The following RAPGEF4 variants were observed in gnomAD, a reference collection of about 807,000 sequenced individuals.
RAPGEF4 encodes the protein Rap guanine nucleotide exchange factor 4.
In RAPGEF4, 66 loss-of-function variants were observed where a neutral mutation model predicts 147.9. The ratio of observed to expected loss-of-function variants is 0.45; its 90% CI spans 0.37 to 0.55. RAPGEF4 has a LOEUF of 0.55. Among genes scored for constraint, RAPGEF4 ranks in the 20% least tolerant of loss-of-function variants. The pLI is 0.00. For synonymous variants in RAPGEF4, 419 were observed against 442.7 expected (o/e 0.95, Z 0.67); for missense variants, 1,071 against 1,257.3 (o/e 0.85, Z 2.24).
At chr2:172,917,957 C>T (rs1207796296) in intron 5 of RAPGEF4, 83 bp downstream of exon 5, 2 of 1,154,094 alleles carry the variant, frequency 1.7e-6, no homozygotes, top group African/African-American at 1.5e-5. Flanking sequence ...ATGTCCTACA[C>T]CAGCTTGTCA....
intron 17 of RAPGEF4, among the ~76,000 whole-genome samples, chr2:173,005,270 A>AATT: frequency 6.6e-6 from 1 of 152,200 alleles, no homozygotes; most frequent in Non-Finnish European, 1.5e-5. Context: ...TGTATTCCCA[A>AATT]ATTACTCTCC....
At position 173,051,633 on chromosome 2, in the gene RAPGEF4, T is replaced by A; in HGVS notation, c.2909-7T>A. The A allele has an allele frequency of 6.2e-7, 1 of 1,613,202 alleles. No individual in the cohort carries two copies. On this transcript the variant is annotated splice_polypyrimidine_tract_variant and splice_region_variant and intron_variant, in intron 30 of 30. Transcript: ENST00000397081. ...AATGCCAATTCTGCCCTTTCCTCTT[T>A]CAACAGATCCTGATGCAGCTCAAGC...
chr2:172,737,929 G>C (rs1306927101), intron 1 of RAPGEF4, among the ~76,000 whole-genome samples: 1 of 152,240 alleles, frequency 6.6e-6, no homozygotes, highest in Non-Finnish European at 1.5e-5. Context: ...TTTGAAAACT[G>C]TGAGTGCCAT....
chr2:173,032,011 G>A (rs577956149), intron 26 of RAPGEF4, among the ~76,000 whole-genome samples: 2 of 152,030 alleles, frequency 1.3e-5, no homozygotes, highest in Non-Finnish European at 2.9e-5. Context: ...ATGGAACTAG[G>A]GGACACGTGT....
At chr2:173,043,183 A>G (rs2106054515) in intron 29 of RAPGEF4, among the ~76,000 whole-genome samples, 1 of 152,372 alleles carries the variant, frequency 6.6e-6, no homozygotes, top group South Asian at 2.1e-4. Flanking sequence ...GGTTTTACAC[A>G]TGCTAAGCAA....
intron 1 of RAPGEF4, among the ~76,000 whole-genome samples, chr2:172,738,537 G>A (rs1221800739): frequency 1.3e-5 from 2 of 152,182 alleles, no homozygotes; most frequent in East Asian, 1.9e-4. Flanking sequence ...AGAATAGGGA[G>A]GGCATGCCAG....
chr2:172,872,943 T>C (rs1227153870), intron 4 of RAPGEF4, among the ~76,000 whole-genome samples: 2 of 152,150 alleles, frequency 1.3e-5, no homozygotes, highest in Non-Finnish European at 2.9e-5. Flanking sequence ...GCTTTCTATG[T>C]CTGTGAAGAG....
At chr2:172,891,147 G>A (rs1474601359) in intron 4 of RAPGEF4, among the ~76,000 whole-genome samples, 3 of 151,994 alleles carry the variant, frequency 2.0e-5, no homozygotes, top group Non-Finnish European at 4.4e-5. Context: ...AAAAAAAAAG[G>A]AATTTCAAGA....
At chr2:172,884,147 G>A (rs183206916) in intron 4 of RAPGEF4, among the ~76,000 whole-genome samples, 17 of 152,266 alleles carry the variant, frequency 1.1e-4, no homozygotes, top group African/African-American at 3.1e-4. Context: ...CCAGGACCAG[G>A]GAGCCAACAG....
chr2:172,745,709 C>A (rs779102630), intron 1 of RAPGEF4, among the ~76,000 whole-genome samples: 2 of 152,056 alleles, frequency 1.3e-5, no homozygotes, highest in Non-Finnish European at 2.9e-5. Flanking sequence ...ATTTTCAACA[C>A]AAGGAAGCAC....
rs923001270 is a variant in RAPGEF4, at chr2:172,744,329, C to T, written c.65+8281C>T. The T allele has an allele frequency of 3.8e-5, 17 of 450,550 alleles. 1 individual carries two copies. The highest frequency in any genetic ancestry group is 2.6e-4 in the Admixed American group (11 of 41,848). 27.9% of individuals were successfully genotyped at this position (450,550 alleles called of 1,614,324 possible). On this transcript the variant is annotated intron_variant, in intron 1 of 30. Coordinates refer to ENST00000397081, the MANE Select transcript of RAPGEF4 (RefSeq NM_007023.4). Reference sequence around the variant, plus strand: ...AAATTCTGTCACCTCTACCCTCTAGCTATGTGATCTTGGCCAAGTTATTAA... The same window carrying T: ...AAATTCTGTCACCTCTACCCTCTAGTTATGTGATCTTGGCCAAGTTATTAA...
chr2:172,757,547 A>G (rs1405920633), intron 1 of RAPGEF4, among the ~76,000 whole-genome samples: 5 of 152,194 alleles, frequency 3.3e-5, no homozygotes, highest in African/African-American at 1.2e-4. Flanking sequence ...TTGCACAAAC[A>G]TAATATATTG....
chr2:173,034,669 T>C (rs1683690492), intron 27 of RAPGEF4, among the ~76,000 whole-genome samples: 1 of 151,938 alleles, frequency 6.6e-6, no homozygotes, highest in Non-Finnish European at 1.5e-5. Flanking sequence ...AGGTCAGGAA[T>C]TCGAGACCAG....
At position 172,916,127 on chromosome 2, in the gene RAPGEF4, G is replaced by A. The variant is rs184489638; in HGVS notation, c.445-1675G>A. ...GCGACCCTGATGGTGTGCTCCACAA[G>A]ACAGCAACAGACCAGGTGCTATGGG... On this transcript the variant is annotated intron_variant, in intron 4 of 30. Coordinates refer to ENST00000397081, the MANE Select transcript of RAPGEF4 (RefSeq NM_007023.4). 1.8e-4 allele frequency among the ~76,000 whole-genome samples: 28 copies of A among 152,296 alleles called. No individual in the cohort carries two copies. In the East Asian group the frequency reaches 5.4e-3, roughly 29 times the overall value.
chr2:172,802,007 T>G (rs944236998), intron 3 of RAPGEF4, among the ~76,000 whole-genome samples: 1 of 152,026 alleles, frequency 6.6e-6, no homozygotes, highest in Admixed American at 6.5e-5. Flanking sequence ...GTGGGGTAGA[T>G]AAGTGTAGGT....
Position 173,051,803 on chromosome 2 carries a change from G to T in RAPGEF4, c.*36G>T. 1 of 1,605,810 alleles carries T rather than the reference G, an allele frequency of 6.2e-7. No individual in the cohort carries two copies. Among genetic ancestry groups the T allele is most frequent in the Non-Finnish European group, 8.5e-7 (1 of 1,174,404 alleles). ...TGCCCAAAGCAACAGTTTGTCTCCAGTCCACAATCTTTCAAAAATGCCATT... is the reference window on the plus strand; with the variant it reads ...TGCCCAAAGCAACAGTTTGTCTCCATTCCACAATCTTTCAAAAATGCCATT... On this transcript the variant is annotated 3_prime_UTR_variant, in exon 31 of 31. Coordinates refer to ENST00000397081, the MANE Select transcript of RAPGEF4 (RefSeq NM_007023.4).
At chr2:173,025,722 C>T (rs1251821280) in intron 23 of RAPGEF4, among the ~76,000 whole-genome samples, 6 of 152,228 alleles carry the variant, frequency 3.9e-5, no homozygotes, top group African/African-American at 1.2e-4. Flanking sequence ...GGATTACAGG[C>T]GTGAGCCACT....
intron 27 of RAPGEF4, among the ~76,000 whole-genome samples, chr2:173,034,861 C>T (rs867920597): frequency 1.5e-5 from 2 of 132,042 alleles, no homozygotes; most frequent in African/African-American, 5.7e-5. Flanking sequence ...TGACAGAGTG[C>T]GACCCCGTCT....
intron 8 of RAPGEF4, 35 bp downstream of exon 8, chr2:172,961,263 C>T (rs1575381076): frequency 6.8e-7 from 1 of 1,467,660 alleles, no homozygotes; most frequent in South Asian, 1.1e-5. Context: ...GTGCCCCGCT[C>T]ATATTCATGT....
Sources: allele counts gnomAD v4.1 joint callset (sites outside exome capture counted in the v4.1 genomes callset), GRCh38; gene constraint gnomAD v4.1.1; transcripts MANE v1.5; gene names NCBI Gene and HGNC (gene_info 2026-07-23, HGNC 2026-07-21).